ADCY9: variants seen among roughly 807,000 people sequenced by gnomAD.
The protein encoded by ADCY9 is adenylate cyclase type 9.
In ADCY9, 50 loss-of-function variants were observed where a neutral mutation model predicts 101.5. The ratio of observed to expected loss-of-function variants is 0.49; its 90% CI spans 0.39 to 0.62. The LOEUF (loss-of-function observed/expected upper bound fraction) is 0.62, where lower values mean the gene tolerates loss of function less well. Ranked by LOEUF, ADCY9 falls within the 20% of genes least tolerant of loss-of-function variation. The pLI is 0.00. For synonymous variants in ADCY9, 905 were observed against 769.3 expected, an observed-to-expected ratio of 1.18 and a Z score of -2.92; for missense variants, 1,662 against 1,800.4, an observed-to-expected ratio of 0.92 and a Z score of 1.39.
intron 3 of ADCY9, among the ~76,000 whole-genome samples, chr16:4,000,463 G>A (rs778522836): frequency 6.6e-5 from 10 of 152,260 alleles, no homozygotes; most frequent in Non-Finnish European, 1.0e-4. Flanking sequence ...GGTTAGGTAC[G>A]GGCATAAGTA....
At chr16:4,097,555 T>TATATATATATA (rs1567147091) in intron 2 of ADCY9, among the ~76,000 whole-genome samples, 4 of 55,050 alleles carry the variant, frequency 7.3e-5, no homozygotes, top group African/African-American at 3.5e-4. Context: ...ATATATATAT[T>TATATATATATA]TTTTTTTTTT....
intron 6 of ADCY9, among the ~76,000 whole-genome samples, chr16:3,988,386 G>A (rs2444217): frequency 0.46 from 68,706 of 150,498 alleles, 17,704 homozygotes; most frequent in Non-Finnish European, 0.58. Context: ...CAAGACTCCA[G>A]GACAGGTGGG....
intron 2 of ADCY9, among the ~76,000 whole-genome samples, chr16:4,011,407 T>C (rs764627240): frequency 4.6e-5 from 7 of 151,950 alleles, no homozygotes; most frequent in Non-Finnish European, 1.0e-4. Flanking sequence ...AAGAGCCACA[T>C]AGGAGGCATG....
At chr16:4,092,988 A>G (rs1438455667) in intron 2 of ADCY9, among the ~76,000 whole-genome samples, 1 of 152,262 alleles carries the variant, frequency 6.6e-6, no homozygotes, top group Non-Finnish European at 1.5e-5. Context: ...TTTTTAAAAA[A>G]GCAAAGATTC....
In ADCY9 at chr16:3,962,746, A is replaced by G. The variant is rs973637819; in HGVS notation, c.*3029T>C. 7 of 152,358 alleles carry G rather than the reference A, an allele frequency of 4.6e-5. No homozygotes were observed. Among genetic ancestry groups the G allele is most frequent in the African/African-American group, 1.7e-4 (7 of 41,458 alleles). The allele number at this position is 152,358 out of a possible 1,614,324, so 9.4% of individuals were successfully genotyped here. On this transcript the variant is annotated 3_prime_UTR_variant, in exon 11 of 11. Coordinates refer to ENST00000294016, the MANE Select transcript of ADCY9 (RefSeq NM_001116.4). ...ATTTAAAAAGAGCAGATAAAAGGAT[A>G]TATGGAAAATGCAAACAGTCGGTTC...
intron 2 of ADCY9, among the ~76,000 whole-genome samples, chr16:4,111,874 T>C (rs539195914): frequency 8.7e-5 from 13 of 149,670 alleles, no homozygotes; most frequent in Non-Finnish European, 1.6e-4. Flanking sequence ...GCTCTGTGTC[T>C]GAGACCCCTG....
intron 2 of ADCY9, among the ~76,000 whole-genome samples, chr16:4,077,070 T>G (rs2056872038): frequency 1.1e-5 from 1 of 93,722 alleles, no homozygotes; most frequent in African/African-American, 4.1e-5. Flanking sequence ...AGGTTGAGAC[T>G]TCGTCTCAAA....
At chr16:4,015,057 A>C (rs1034628805) in intron 2 of ADCY9, among the ~76,000 whole-genome samples, 3 of 145,524 alleles carry the variant, frequency 2.1e-5, no homozygotes, top group South Asian at 2.1e-4. Context: ...CTCCTGCCTC[A>C]GCCTCCCGAG....
chr16:4,087,043 T>C (rs1346287392), intron 2 of ADCY9, among the ~76,000 whole-genome samples: 1 of 151,966 alleles, frequency 6.6e-6, no homozygotes, highest in African/African-American at 2.4e-5. Context: ...CTGAACCCTA[T>C]TCCATTCTGA....
chr16:4,059,074 T>C (rs1462114633), intron 2 of ADCY9, among the ~76,000 whole-genome samples: 2 of 151,950 alleles, frequency 1.3e-5, no homozygotes, highest in East Asian at 3.9e-4. Context: ...ACAACAAGCT[T>C]ATAGTACTTA....
intron 2 of ADCY9, among the ~76,000 whole-genome samples, chr16:4,059,286 C>T (rs574518170): frequency 6.8e-6 from 1 of 146,680 alleles, no homozygotes; most frequent in South Asian, 2.1e-4. Context: ...GAGGCTGAGG[C>T]AGGAGAAGTG....
chr16:4,031,456 T>A (rs1597178259), intron 2 of ADCY9, among the ~76,000 whole-genome samples: 1 of 152,232 alleles, frequency 6.6e-6, no homozygotes, highest in East Asian at 1.9e-4. Flanking sequence ...CACATACATA[T>A]ATACACACCT....
chr16:4,047,333 C>T (rs896190541), intron 2 of ADCY9, among the ~76,000 whole-genome samples: 1 of 151,952 alleles, frequency 6.6e-6, no homozygotes, highest in Non-Finnish European at 1.5e-5. Flanking sequence ...AAAGAGAGAG[C>T]TAGCTTAGCA....
chr16:3,993,262 A>C (rs2056260336), intron 4 of ADCY9, 144 bp downstream of exon 4: 2 of 1,417,640 alleles, frequency 1.4e-6, no homozygotes, highest in Non-Finnish European at 1.9e-6. Flanking sequence ...GGTCTCTTCA[A>C]CACCCGGAGG....
chr16:3,973,878 G>A (rs887023134), intron 10 of ADCY9, among the ~76,000 whole-genome samples: 41 of 152,074 alleles, frequency 2.7e-4, no homozygotes, highest in Admixed American at 2.0e-3. Flanking sequence ...TTGTAAGCCT[G>A]GAAAGTTATC....
In ADCY9 at chr16:4,114,424, C is replaced by G. The variant is rs780726526; in HGVS notation, c.1019G>C (p.Arg340Thr). The stretch of plus-strand genomic sequence containing the variant: ...CTTCATTAAGTCATCGGCTATGATT[C>G]TTGGCATCACGGAATGAATCATCCT... ...KERMIHSVMP[R>T]IIADDLMKQG... Residue 340 changes from arginine (R) to threonine (T), a missense_variant, in exon 2 of 11, where the codon AGA becomes ACA. Arg to Thr is a moderately conservative substitution (Grantham distance 71). Transcript: ENST00000294016. This position sits in a 1 kb window ranked among gnomAD's most constrained non-coding sequence, Gnocchi z 4.3. 1.2e-6 allele frequency: 2 copies of G among 1,614,180 alleles called. No individual in the cohort carries two copies. The highest frequency in any genetic ancestry group is 1.7e-6 in the Non-Finnish European group (2 of 1,180,048).
chr16:3,985,531 G>A (rs73508317), intron 6 of ADCY9, among the ~76,000 whole-genome samples: 2 of 152,166 alleles, frequency 1.3e-5, no homozygotes, highest in East Asian at 1.9e-4. Flanking sequence ...TCTAGTGCCC[G>A]TCAGGGGTTC....
At position 4,114,024 on chromosome 16, in the gene ADCY9, G is replaced by C; in HGVS notation, c.1419C>G (p.Ile473Met). Residue 473 changes from isoleucine to methionine, a missense_variant, in exon 2 of 11, where the codon ATC (isoleucine) becomes ATG (methionine). Around this residue, in one of 5 missense-constraint regions of ADCY9, gnomAD observed 228 missense variants for 301.1 expected, o/e 0.76. Coordinates refer to ENST00000294016, the MANE Select transcript of ADCY9 (RefSeq NM_001116.4). The surrounding 1 kb of genome is among the most constrained non-coding windows in gnomAD (Gnocchi z 4.3). Reference protein sequence around the residue: ...IEMGLGMIKAIEQFCQEKKEM... With the variant: ...IEMGLGMIKAMEQFCQEKKEM... ...CCTTCTTCTCCTGGCAGAACTGCTC[G>C]ATGGCCTTGATCATGCCCAGGCCCA... 6.2e-7 allele frequency: 1 copy of C among 1,613,806 alleles called. No individual in the cohort carries two copies. The highest frequency in any genetic ancestry group is 8.5e-7 in the Non-Finnish European group (1 of 1,180,022).
intron 2 of ADCY9, among the ~76,000 whole-genome samples, chr16:4,059,043 A>G (rs1274519394): frequency 6.6e-6 from 1 of 152,152 alleles, no homozygotes; most frequent in African/African-American, 2.4e-5. Flanking sequence ...CATTTTATAC[A>G]TTTCTATATT....
Sources: allele counts gnomAD v4.1 joint callset (sites outside exome capture counted in the v4.1 genomes callset), GRCh38; gene constraint gnomAD v4.1.1; regional missense constraint gnomAD v4.1.1; non-coding constraint Gnocchi (gnomAD v3.1); transcripts MANE v1.5; gene names NCBI Gene and HGNC (gene_info 2026-07-23, HGNC 2026-07-21).